The following ZNF385D variants were observed in gnomAD, a reference collection of about 807,000 sequenced individuals.
The protein encoded by ZNF385D is zinc finger protein 385D.
Under a neutral mutation model 35.8 loss-of-function variants are expected in ZNF385D, and 15 were observed. The observed-to-expected ratio is 0.42, with a 90% CI of 0.28 to 0.64. ZNF385D has a LOEUF of 0.64. Ranked by LOEUF, ZNF385D falls within the 30% of genes least tolerant of loss-of-function variation. The pLI is 0.23. For synonymous variants in ZNF385D, 212 were observed against 186.8 expected (o/e 1.13, Z -1.10); for missense variants, 474 against 494.6 (o/e 0.96, Z 0.39).
intron 3 of ZNF385D, among the ~76,000 whole-genome samples, chr3:22,008,430 G>A (rs1177040555): frequency 7.0e-6 from 1 of 143,726 alleles, no homozygotes; most frequent in Non-Finnish European, 1.5e-5. Flanking sequence ...TCGGCTCACT[G>A]CAGGCTCCGC....
rs1011016637 is a variant in ZNF385D at position 21,564,493 on chromosome 3, T to G, written c.276+81A>C. The G allele has an allele frequency of 4.6e-5, 39 of 842,338 alleles. No homozygotes were observed. The African/African-American group carries it at 6.8e-4, about 15-fold the overall frequency. The allele number at this position is 842,338 out of a possible 1,614,324, so 52.2% of individuals were successfully genotyped here. ...ATGCTCAGTTACTGGAGAAAATGTC[T>G]TAAGAAATCTTTTCTCCTGCAAGAT... On this transcript the variant is annotated intron_variant, in intron 3 of 7. Transcript: ENST00000281523.
chr3:21,951,923 T>C (rs1702085529), intron 3 of ZNF385D, among the ~76,000 whole-genome samples: 1 of 151,606 alleles, frequency 6.6e-6, no homozygotes, highest in Admixed American at 6.6e-5. Context: ...GAATGTTATG[T>C]TTTTCCACAA....
At chr3:21,511,624 A>G (rs540730931) in intron 3 of ZNF385D, 1 of 450,454 alleles carries the variant, frequency 2.2e-6, no homozygotes. Context: ...CTTCTTACCA[A>G]GGGTAGTCTG....
rs1295056842 is a variant in ZNF385D, at chr3:22,344,743, AT to A, written c.106+27706del. On this transcript the variant is annotated intron_variant, in intron 2 of 5. Coordinates refer to the ZNF385D transcript ENST00000494108. ...GGCTAGTATTTTCTTTAACAGTAAC[AT>A]TTTAGACTTCTTGTTTGTAAAGATT... Among the ~76,000 whole-genome samples, 4 of 152,182 alleles carry A rather than the reference AT, an allele frequency of 2.6e-5. No homozygotes were observed. In the East Asian group the frequency reaches 7.7e-4, roughly 29 times the overall value.
At chr3:22,108,498 T>C (rs1013188713) in intron 3 of ZNF385D, among the ~76,000 whole-genome samples, 4 of 152,286 alleles carry the variant, frequency 2.6e-5, no homozygotes, top group Non-Finnish European at 2.9e-5. Flanking sequence ...ATTATTAATC[T>C]TGGCCATTTC....
chr3:22,118,382 T>C (rs1232681097), intron 3 of ZNF385D, among the ~76,000 whole-genome samples: 2 of 152,052 alleles, frequency 1.3e-5, no homozygotes, highest in Admixed American at 6.6e-5. Context: ...TAAATATAAA[T>C]ATAAGTAGAA....
At chr3:21,480,648 G>A (rs575478019) in intron 4 of ZNF385D, among the ~76,000 whole-genome samples, 18 of 152,152 alleles carry the variant, frequency 1.2e-4, no homozygotes, top group African/African-American at 3.4e-4. Context: ...ACTAAAATGC[G>A]TAACACATAT....
At chr3:22,165,824 T>A (rs1243541865) in intron 3 of ZNF385D, among the ~76,000 whole-genome samples, 2 of 152,096 alleles carry the variant, frequency 1.3e-5, no homozygotes, top group African/African-American at 2.4e-5. Flanking sequence ...CAGGCCAGGG[T>A]CCTTAGAAAC....
At chr3:21,964,436 A>AG (rs1284418588) in intron 3 of ZNF385D, among the ~76,000 whole-genome samples, 25 of 126,118 alleles carry the variant, frequency 2.0e-4, no homozygotes, top group African/African-American at 8.7e-4. Context: ...AAAAAAAGAA[A>AG]AAAAAAAAAA....
intron 1 of ZNF385D, among the ~76,000 whole-genome samples, chr3:21,696,232 G>C (rs190180259): frequency 6.6e-6 from 1 of 152,126 alleles, no homozygotes; most frequent in African/African-American, 2.4e-5. Context: ...GTTTGAACAC[G>C]GACTTTGGAA....
rs1385117758 is a variant in ZNF385D at position 22,140,530 on chromosome 3, C to A, written c.325+28287G>T. ...TAAAATTTCATAGAACTATACCCCC[C>A]CAAAAACATGTAAAAGCTAGTACAA... On this transcript the variant is annotated intron_variant, in intron 3 of 5. Coordinates refer to the ZNF385D transcript ENST00000494108. Among the ~76,000 whole-genome samples, 3 of 152,004 alleles carry A rather than the reference C, an allele frequency of 2.0e-5. No individual in the cohort carries two copies. The East Asian group carries it at 5.8e-4, about 29-fold the overall frequency.
chr3:22,216,210 T>C (rs1335699811), intron 2 of ZNF385D, among the ~76,000 whole-genome samples: 1 of 152,006 alleles, frequency 6.6e-6, no homozygotes, highest in Non-Finnish European at 1.5e-5. Flanking sequence ...TTTTTCCTTA[T>C]GTTAATAAAA....
At chr3:21,991,075 T>C (rs1036207175) in intron 3 of ZNF385D, among the ~76,000 whole-genome samples, 3 of 152,186 alleles carry the variant, frequency 2.0e-5, no homozygotes, top group Non-Finnish European at 4.4e-5. Flanking sequence ...TGTACAAAAA[T>C]ATTTGAATAA....
At chr3:21,759,837 G>T (rs2070521016) in intron 3 of ZNF385D, among the ~76,000 whole-genome samples, 2 of 152,100 alleles carry the variant, frequency 1.3e-5, no homozygotes, top group Non-Finnish European at 2.9e-5. Flanking sequence ...AGTAAATTTG[G>T]ATGCTTTAGG....
chr3:21,840,519 A>C (rs1207419362), intron 3 of ZNF385D, among the ~76,000 whole-genome samples: 1 of 151,982 alleles, frequency 6.6e-6, no homozygotes, highest in African/African-American at 2.4e-5. Context: ...CGGTATGCCC[A>C]ATACTAAAGA....
chr3:21,717,185 A>G (rs1331718789), intron 1 of ZNF385D, among the ~76,000 whole-genome samples: 1 of 152,220 alleles, frequency 6.6e-6, no homozygotes, highest in Non-Finnish European at 1.5e-5. Flanking sequence ...ATAAATGTAT[A>G]AATGGTTACT....
chr3:21,679,232 T>A (rs2066823162), intron 1 of ZNF385D, among the ~76,000 whole-genome samples: 1 of 152,142 alleles, frequency 6.6e-6, no homozygotes, highest in East Asian at 1.9e-4. Context: ...GGAGAAATAA[T>A]AGAGTAAATA....
chr3:22,272,090 G>A (rs1041317561), intron 2 of ZNF385D, among the ~76,000 whole-genome samples: 9 of 152,034 alleles, frequency 5.9e-5, no homozygotes, highest in African/African-American at 2.2e-4. Context: ...AATGCCATAT[G>A]TGTCTCATGC....
intron 2 of ZNF385D, among the ~76,000 whole-genome samples, chr3:22,253,647 A>T (rs994408415): frequency 1.3e-5 from 2 of 151,988 alleles, no homozygotes; most frequent in African/African-American, 4.8e-5. Flanking sequence ...ATGCAATTTA[A>T]TTTGAAACCA....
Sources: gnomAD v4.1 joint callset for allele counts (sites outside exome capture counted in the v4.1 genomes callset) on GRCh38, gnomAD v4.1.1 for gene constraint, MANE v1.5 for transcripts, NCBI Gene and HGNC (gene_info 2026-07-23, HGNC 2026-07-21) for gene names.